Variants in CCDC18 observed in about 807,000 individuals in gnomAD.
CCDC18 encodes the protein coiled-coil domain containing 18, also known as coiled-coil domain-containing protein 18.
CCDC18 carries 157 observed loss-of-function variants against 196.0 expected under a neutral mutation model. The ratio of observed to expected loss-of-function variants is 0.80; its 90% CI spans 0.70 to 0.91. The LOEUF is 0.91. Among genes scored for constraint, CCDC18 ranks in the 40% least tolerant of loss-of-function variants. CCDC18 has a pLI of 0.00. For missense variants in CCDC18, 1,465 were observed against 1,611.6 expected, an observed-to-expected ratio of 0.91 and a Z score of 1.56; for synonymous variants, 482 against 529.2, an observed-to-expected ratio of 0.91 and a Z score of 1.22.
At chr1:93,226,302 T>G (rs1324685532) in intron 16 of CCDC18, 31 bp from the exon 17 acceptor site, 4 of 901,258 alleles carry the variant, frequency 4.4e-6, no homozygotes, top group Non-Finnish European at 3.4e-6. Flanking sequence ...TTTTGTGTTT[T>G]TTTTTTTTTT....
At position 93,207,132 on chromosome 1, in the gene CCDC18, G is replaced by C. The variant is rs1223789585; in HGVS notation, c.943G>C (p.Gly315Arg). Residue 315 changes from glycine to arginine, a missense_variant, in exon 9 of 29, where the codon GGA becomes CGA. Gly to Arg is a moderately radical substitution (Grantham distance 125). Transcript: ENST00000690025. ...GCAGTTAAAAGAAGAAAATAACAACGGAAAAGAAAAATTAAGGATCATGGC... is the reference window on the plus strand; with the variant it reads ...GCAGTTAAAAGAAGAAAATAACAACCGAAAAGAAAAATTAAGGATCATGGC... ...LRQLKEENNN[G>R]KEKLRIMAVK... The C allele has an allele frequency of 1.8e-5, 27 of 1,513,384 alleles. No individual in the cohort carries two copies. The Admixed American group carries it at 5.5e-4, about 31-fold the overall frequency. The allele number at this position is 1,513,384 out of a possible 1,614,324, so 93.7% of individuals were successfully genotyped here.
At chr1:93,191,854 G>A (rs1651865345) in intron 4 of CCDC18, 146 bp from the exon 5 acceptor site, 4 of 579,156 alleles carry the variant, frequency 6.9e-6, no homozygotes, top group Non-Finnish European at 1.2e-5. Flanking sequence ...TGTAAATGTT[G>A]ATCAAAGGAA....
intron 20 of CCDC18, 89 bp downstream of exon 20, chr1:93,239,562 A>T: frequency 7.0e-7 from 1 of 1,435,864 alleles, no homozygotes; most frequent in East Asian, 2.3e-5. Context: ...GTGGGGCTGG[A>T]AGGGAAAATA....
chr1:93,244,368 C>A (rs1661218078), intron 21 of CCDC18, among the ~76,000 whole-genome samples: 1 of 152,148 alleles, frequency 6.6e-6, no homozygotes, highest in Non-Finnish European at 1.5e-5. Flanking sequence ...TATAGTGTAT[C>A]CATACAAAGA....
intron 6 of CCDC18, among the ~76,000 whole-genome samples, chr1:93,199,558 T>G (rs930205575): frequency 6.6e-6 from 1 of 152,230 alleles, no homozygotes; most frequent in Non-Finnish European, 1.5e-5. Context: ...CTCTTGTCTT[T>G]TCTTCTTGTT....
chr1:93,214,706 G>A lies in CCDC18; in HGVS notation c.1496-37G>A, dbSNP rs570993261. ...ATTTAAGTAGGTTTTTATTCTTGAA[G>A]TCCTATTCAGAACAATTTTCCTTTT... is the stretch of plus-strand genomic sequence containing the variant. On this transcript the variant is annotated intron_variant, in intron 11 of 28. Coordinates refer to ENST00000690025, the MANE Select transcript of CCDC18 (RefSeq NM_001378204.1). 6 of 1,436,352 alleles carry A rather than the reference G, an allele frequency of 4.2e-6. No homozygotes were observed. In the African/African-American group the frequency reaches 4.2e-5, roughly 10 times the overall value. The allele number at this position is 1,436,352 out of a possible 1,614,324, so 89.0% of individuals were successfully genotyped here. A position where few individuals can be genotyped will look rare whatever the true frequency, so the allele number is the denominator to read the frequency against.
intron 18 of CCDC18, among the ~76,000 whole-genome samples, chr1:93,234,933 A>ATGTGTGTGTGTGTGTGTGTG (rs1570495120): frequency 1.8e-5 from 1 of 55,852 alleles, no homozygotes; most frequent in East Asian, 6.7e-4. Context: ...ATGCCCAGCT[A>ATGTGTGTGTGTGTGTGTGTG]AGAGTGTGTG....
At chr1:93,271,041 T>C in intron 28 of CCDC18, 1 of 983,868 alleles carries the variant, frequency 1.0e-6, no homozygotes, top group Non-Finnish European at 1.2e-6. Flanking sequence ...GAACAGGAAG[T>C]AGAACGAAAA....
chr1:93,270,430 A>G lies in CCDC18; in HGVS notation c.3969A>G (p.Thr1323=). Residue 1323 remains threonine, a synonymous_variant, in exon 28 of 29, where the codon ACA becomes ACG. Transcript: ENST00000690025. ...TCAAGTTTCTGCCAGCCCCATTTAC[A>G]TCTCCAACAGAAATTATGCCTGATG... ...EDIKFLPAPF[T]SPTEIMPDVQ... 6 of 1,550,408 alleles carry G rather than the reference A, an allele frequency of 3.9e-6. No individual in the cohort carries two copies. The highest frequency in any genetic ancestry group is 5.2e-6 in the Non-Finnish European group (6 of 1,146,874).
chr1:93,180,884 T>C (rs1300903739), intron 1 of CCDC18, 32 bp downstream of exon 1: 4 of 1,365,318 alleles, frequency 2.9e-6, no homozygotes, highest in Middle Eastern at 2.1e-4. Context: ...ATTTGGGTGG[T>C]GAGCGACTGC....
chr1:93,242,630 C>A (rs950293362), intron 21 of CCDC18, among the ~76,000 whole-genome samples: 1 of 152,202 alleles, frequency 6.6e-6, no homozygotes, highest in Non-Finnish European at 1.5e-5. Context: ...AGTCCACAGT[C>A]CAAAGTCTCA....
At chr1:93,236,510 G>T in intron 19 of CCDC18, 120 bp downstream of exon 19, 1 of 899,186 alleles carries the variant, frequency 1.1e-6, no homozygotes, top group Non-Finnish European at 1.6e-6. Context: ...CATAGTCTGT[G>T]TTCCTATTGC....
intron 7 of CCDC18, among the ~76,000 whole-genome samples, chr1:93,204,355 A>G (rs1348954671): frequency 1.3e-5 from 2 of 152,180 alleles, no homozygotes; most frequent in East Asian, 3.8e-4. Flanking sequence ...GGTCTCATAA[A>G]TTAAGATGTT....
Position 93,256,529 on chromosome 1 carries a change from T to C in CCDC18, c.3537T>C (p.Ser1179=), listed in dbSNP as rs1355651502. The C allele has an allele frequency of 1.2e-6, 2 of 1,611,364 alleles. No individual in the cohort carries two copies. The highest frequency in any genetic ancestry group is 3.3e-5 in the Admixed American group (2 of 59,912). The part of the protein sequence containing the change: ...SSELEDMKQL[S]KEKDAHGNHL... ...AACTGGAGGATATGAAGCAACTCTC[T>C]AAAGAGAAAGTAATCCCTATTTTAA... Residue 1179 remains serine (S), a synonymous_variant, in exon 25 of 29, where the codon TCT becomes TCC. Coordinates refer to ENST00000690025, the MANE Select transcript of CCDC18 (RefSeq NM_001378204.1).
intron 24 of CCDC18, among the ~76,000 whole-genome samples, chr1:93,255,056 G>C (rs778203725): frequency 1.6e-4 from 22 of 139,100 alleles, no homozygotes; most frequent in Middle Eastern, 4.0e-3. Context: ...GGGTTCCAGT[G>C]ATTCTCCTGC....
At position 93,246,185 on chromosome 1, in the gene CCDC18, T is replaced by C. The variant is rs770841813; in HGVS notation, c.3062T>C (p.Leu1021Pro). 1.9e-6 allele frequency: 3 copies of C among 1,604,924 alleles called. No homozygotes were observed. The highest frequency in any genetic ancestry group is 2.6e-6 in the Non-Finnish European group (3 of 1,175,750). ...DQALKERNWELKQRAAQVTHL... is the reference protein window; with the variant it reads ...DQALKERNWEPKQRAAQVTHL... ...GCACTTAAAGAGAGAAATTGGGAACTAAAGCAAAGAGCAGCTCAGGTTGAT... is the reference window on the plus strand; with the variant it reads ...GCACTTAAAGAGAGAAATTGGGAACCAAAGCAAAGAGCAGCTCAGGTTGAT... Residue 1021 changes from leucine (L) to proline (P), a missense_variant, in exon 22 of 29, where the codon CTA (leucine) becomes CCA (proline). Physicochemically the swap from Leu to Pro is moderately conservative, Grantham distance 98 (BLOSUM62 -3). Transcript: ENST00000690025.
chr1:93,232,739 G>A, intron 18 of CCDC18, 146 bp downstream of exon 18: 1 of 596,116 alleles, frequency 1.7e-6, no homozygotes, highest in South Asian at 2.2e-5. Flanking sequence ...GGGAGGCTGA[G>A]GCAGGCGGAT....
chr1:93,249,475 T>C (rs959518147), intron 23 of CCDC18, among the ~76,000 whole-genome samples: 14 of 152,338 alleles, frequency 9.2e-5, no homozygotes, highest in Admixed American at 4.6e-4. Flanking sequence ...CTGATCTTTA[T>C]TACTGCTTTC....
chr1:93,199,254 G>C (rs764689113), intron 6 of CCDC18, among the ~76,000 whole-genome samples: 5 of 152,240 alleles, frequency 3.3e-5, no homozygotes, highest in Non-Finnish European at 7.3e-5. Flanking sequence ...GCTAGGTGCA[G>C]AATGGCAAGG....
Sources: gnomAD v4.1 joint callset for allele counts (sites outside exome capture counted in the v4.1 genomes callset) on GRCh38, gnomAD v4.1.1 for gene constraint, MANE v1.5 for transcripts, NCBI Gene and HGNC (gene_info 2026-07-23, HGNC 2026-07-21) for gene names.